IFNAR2: variants seen among roughly 807,000 people sequenced by gnomAD.
IFNAR2 encodes the protein interferon alpha/beta receptor 2.
Under a neutral mutation model 49.4 loss-of-function variants are expected in IFNAR2, and 30 were observed. The ratio of observed to expected loss-of-function variants is 0.61; its 90% confidence interval spans 0.45 to 0.82. IFNAR2 has a LOEUF of 0.82. IFNAR2 is among the 40% of genes least tolerant of loss of function. The probability of loss-of-function intolerance (pLI) is 0.00; values close to 1 mark genes in which losing one functional copy is unlikely to be tolerated. For synonymous variants in IFNAR2, 224 were observed against 234.5 expected (o/e 0.96, Z 0.41); for missense variants, 600 against 622.7 (o/e 0.96, Z 0.39).
chr21:33,256,311 C>T (rs981342219), intron 7 of IFNAR2, among the ~76,000 whole-genome samples: 8 of 152,200 alleles, frequency 5.3e-5, no homozygotes, highest in African/African-American at 1.9e-4. Context: ...TGATTATTAC[C>T]CGAGATAGGT....
At position 33,238,785 on chromosome 21, in the gene IFNAR2, A is replaced by C. The variant is rs551856851; in HGVS notation, c.-83-3055A>C. Among the ~76,000 whole-genome samples, 381 of 152,154 alleles carry C rather than the reference A, an allele frequency of 2.5e-3. 2 individuals are homozygous for C. Among genetic ancestry groups the C allele is most frequent in the Non-Finnish European group, 3.8e-3 (259 of 68,006 alleles). On this transcript the variant is annotated intron_variant, in intron 1 of 8. Coordinates refer to ENST00000342136, the MANE Select transcript of IFNAR2 (RefSeq NM_001289125.3). The stretch of plus-strand genomic sequence containing the variant: ...GTTTCCCTTCTACTTAAAAAAAAAA[A>C]AAACTGCAAACCAGTAAGAAAATAG...
At chr21:33,241,747 T>C in intron 1 of IFNAR2, 93 bp from the exon 2 acceptor site, 1 of 850,914 alleles carries the variant, frequency 1.2e-6, no homozygotes, top group Non-Finnish European at 1.7e-6. Context: ...GAGACCAGGC[T>C]CACTTGAATA....
In IFNAR2 at chr21:33,263,854, CTTTTTTT is replaced by C. The variant is rs58370026; in HGVS notation, c.*366_*372del. The C allele has an allele frequency of 7.9e-6, 1 of 126,588 alleles. No homozygotes were observed. The highest frequency in any genetic ancestry group is 1.6e-5 in the Non-Finnish European group (1 of 60,860). The allele number at this position is 126,588 out of a possible 1,614,324, so 7.8% of individuals were successfully genotyped here. On this transcript the variant is annotated 3_prime_UTR_variant, in exon 9 of 9. Coordinates refer to ENST00000342136, the MANE Select transcript of IFNAR2 (RefSeq NM_001289125.3). ...CCTATGATATTTCTCTTCTTTCGTT[CTTTTTTT>C]TTTTTTTTTTTGAGACAGAGTCTCG...
chr21:33,235,552 C>T (rs1986384434), intron 1 of IFNAR2, among the ~76,000 whole-genome samples: 1 of 152,118 alleles, frequency 6.6e-6, no homozygotes, highest in Admixed American at 6.5e-5. Flanking sequence ...ACTAAAGGTA[C>T]TAAAATATAA....
At chr21:33,231,667 T>G (rs1440398623) in intron 1 of IFNAR2, 1 of 984,102 alleles carries the variant, frequency 1.0e-6, no homozygotes, top group Non-Finnish European at 1.2e-6. Flanking sequence ...TTTATAAACC[T>G]TCAAACTGTT....
intron 1 of IFNAR2, chr21:33,236,808 C>T (rs1986498000): frequency 1.0e-6 from 1 of 983,122 alleles, no homozygotes; most frequent in Non-Finnish European, 1.2e-6. Flanking sequence ...AGGAGAACCT[C>T]AAGCCAAGTG....
intron 8 of IFNAR2, among the ~76,000 whole-genome samples, chr21:33,261,004 CTG>C (rs1420382263): frequency 1.7e-5 from 1 of 59,252 alleles, no homozygotes; most frequent in Non-Finnish European, 3.3e-5. Context: ...GTAAGTGTAT[CTG>C]TGCATCTGTG....
In IFNAR2 at chr21:33,265,160, T is replaced by C. The variant is rs1291280722; in HGVS notation, c.*1660T>C. ...TCTGAAGTAAAAGGATTGGACTAGG[T>C]AATCTCCAAGATCCTAGGAACCCAG... On this transcript the variant is annotated 3_prime_UTR_variant, in exon 9 of 9. Transcript: ENST00000342136. 2 of 152,132 alleles carry C rather than the reference T, an allele frequency of 1.3e-5. No homozygotes were observed. The highest frequency in any genetic ancestry group is 3.8e-4 in the East Asian group (2 of 5,196). The allele number at this position is 152,132 out of a possible 1,614,324, so 9.4% of individuals were successfully genotyped here. A position where few individuals can be genotyped will look rare whatever the true frequency, so the allele number is the denominator to read the frequency against.
chr21:33,248,375 TA>T (rs1481993155), intron 5 of IFNAR2, among the ~76,000 whole-genome samples: 2 of 89,712 alleles, frequency 2.2e-5, no homozygotes, highest in East Asian at 4.1e-4. Context: ...GAAAGAAAGT[TA>T]GGGGGGAGGG....
In IFNAR2 at chr21:33,238,354, C is replaced by T. The variant is rs150568093; in HGVS notation, c.-83-3486C>T. Among the ~76,000 whole-genome samples the T allele has an allele frequency of 3.0e-3, 461 of 152,288 alleles. 2 individuals carry two copies. Among genetic ancestry groups the T allele is most frequent in the Non-Finnish European group, 5.4e-3 (369 of 68,026 alleles). On this transcript the variant is annotated intron_variant, in intron 1 of 8. Coordinates refer to ENST00000342136, the MANE Select transcript of IFNAR2 (RefSeq NM_001289125.3). Reference sequence around the variant, plus strand: ...TTCTTCTTACTCCTATGTCACCAGCCACAGACAGTCGCCACAAGCCATGAC... The same window carrying T: ...TTCTTCTTACTCCTATGTCACCAGCTACAGACAGTCGCCACAAGCCATGAC...
rs1985923669 is a variant in IFNAR2, at chr21:33,230,116, C to G, written c.-184C>G. On this transcript the variant is annotated 5_prime_UTR_variant, in exon 1 of 9. Coordinates refer to ENST00000342136, the MANE Select transcript of IFNAR2 (RefSeq NM_001289125.3). This position sits in a 1 kb window ranked among gnomAD's most constrained non-coding sequence, Gnocchi z 5.5. ...CGCCGCTTCTGTCCGAGAGGCCGCC[C>G]GCGAGGCGCATCCTGACCGCGAGCG... 4.0e-6 allele frequency: 4 copies of G among 990,420 alleles called. No homozygotes were observed. Among genetic ancestry groups the G allele is most frequent in the Non-Finnish European group, 4.8e-6 (4 of 832,362 alleles). The allele number at this position is 990,420 out of a possible 1,614,324, so 61.4% of individuals were successfully genotyped here.
At chr21:33,234,329 A>ATCAC (rs1986288608) in intron 1 of IFNAR2, among the ~76,000 whole-genome samples, 2 of 151,934 alleles carry the variant, frequency 1.3e-5, no homozygotes, top group South Asian at 4.1e-4. Flanking sequence ...GCTAGAATCA[A>ATCAC]ATATGCCAAG....
Position 33,262,873 on chromosome 21 carries a change from C to T in IFNAR2, c.921C>T (p.Ile307=), listed in dbSNP as rs778431752. ...TGGATATGGTGGAGGTCATTTACAT[C>T]AACAGAAAGAAGAAAGTGTGGGATT... ...EAMDMVEVIY[I]NRKKKVWDYN... The change falls in exon 9 of 9, where the codon ATC becomes ATT. Residue 307 remains isoleucine (I), a synonymous_variant. Coordinates refer to ENST00000342136, the MANE Select transcript of IFNAR2 (RefSeq NM_001289125.3). 1 of 1,613,644 alleles carries T rather than the reference C, an allele frequency of 6.2e-7. No individual in the cohort carries two copies. The highest frequency in any genetic ancestry group is 8.5e-7 in the Non-Finnish European group (1 of 1,179,940).
rs561205761 is a variant in IFNAR2, at chr21:33,238,473, C to T, written c.-83-3367C>T. On this transcript the variant is annotated intron_variant, in intron 1 of 8. Coordinates refer to ENST00000342136, the MANE Select transcript of IFNAR2 (RefSeq NM_001289125.3). The stretch of plus-strand genomic sequence containing the variant: ...GCCCACAATCTATAGGTCTTAGTCA[C>T]ATGGATGGGGACAGAATATCTGAGA... Among the ~76,000 whole-genome samples the T allele has an allele frequency of 2.6e-5, 4 of 152,248 alleles. No homozygotes were observed. In the South Asian group the frequency reaches 8.3e-4, roughly 32 times the overall value.
intron 1 of IFNAR2, among the ~76,000 whole-genome samples, chr21:33,238,727 G>A (rs772691941): frequency 1.8e-4 from 27 of 151,566 alleles, no homozygotes; most frequent in Non-Finnish European, 3.1e-4. Context: ...TGACAAACTG[G>A]GGAGAGAAGA....
chr21:33,232,109 A>G (rs896889594), intron 1 of IFNAR2, among the ~76,000 whole-genome samples: 2 of 152,254 alleles, frequency 1.3e-5, no homozygotes, highest in African/African-American at 4.8e-5. Flanking sequence ...GAAGTAAGAA[A>G]AAACACTGTC....
intron 6 of IFNAR2, chr21:33,251,815 G>T (rs1987855088): frequency 1.0e-6 from 1 of 976,122 alleles, no homozygotes; most frequent in Admixed American, 6.1e-5. Context: ...GGGCACAGTG[G>T]CTTACGCCTG....
chr21:33,252,621 T>C (rs1259511345), intron 6 of IFNAR2, 41 bp from the exon 7 acceptor site: 8 of 1,590,702 alleles, frequency 5.0e-6, no homozygotes, highest in Non-Finnish European at 6.8e-6. Flanking sequence ...TACCTCTAAA[T>C]GAAATTCTCA....
intron 1 of IFNAR2, chr21:33,233,156 T>G (rs1986183380): frequency 6.5e-6 from 1 of 153,182 alleles, no homozygotes; most frequent in Non-Finnish European, 1.4e-5. Context: ...AAAAACATAG[T>G]GACAGAATAA....
Sources: allele counts gnomAD v4.1 joint callset (sites outside exome capture counted in the v4.1 genomes callset), GRCh38; gene constraint gnomAD v4.1.1; non-coding constraint Gnocchi (gnomAD v3.1); transcripts MANE v1.5; gene names NCBI Gene and HGNC (gene_info 2026-07-23, HGNC 2026-07-21).